TMEM232: variants seen among roughly 807,000 people sequenced by gnomAD.
TMEM232 encodes the protein transmembrane protein 232.
TMEM232 carries 80 observed loss-of-function variants against 78.8 expected under a neutral mutation model. The ratio of observed to expected loss-of-function variants is 1.01; its 90% CI spans 0.85 to 1.22. TMEM232 has a LOEUF of 1.22. Among genes scored for constraint, TMEM232 ranks in the 50% most tolerant of loss-of-function variants. The pLI is 0.00. For synonymous variants in TMEM232, 297 were observed against 254.3 expected, an observed-to-expected ratio of 1.17 and a Z score of -1.60; for missense variants, 881 against 742.2, an observed-to-expected ratio of 1.19 and a Z score of -2.17.
chr5:110,702,834 C>T (rs1795565140), intron 1 of TMEM232, among the ~76,000 whole-genome samples: 1 of 152,006 alleles, frequency 6.6e-6, no homozygotes, highest in South Asian at 2.1e-4. Context: ...TAGTTAACAG[C>T]ACTCATCAGA....
In TMEM232 at chr5:110,696,311, TAA is replaced by T. The variant is rs1794774806; in HGVS notation, c.-12-28949_-12-28948del. ...ATTGATGGGACGTATCTCAAAATAA[TAA>T]GAGCTATCTATGACAAACCCACAGC... is the stretch of plus-strand genomic sequence containing the variant. On this transcript the variant is annotated intron_variant, in intron 1 of 13. Transcript: ENST00000455884. Among the ~76,000 whole-genome samples, 5 of 152,234 alleles carry T rather than the reference TAA, an allele frequency of 3.3e-5. No individual in the cohort carries two copies. The South Asian group carries it at 1.0e-3, about 32-fold the overall frequency.
rs17132266 is a variant in TMEM232, at chr5:110,683,143, T to G, written c.-12-15779A>C. Among the ~76,000 whole-genome samples the G allele has an allele frequency of 5.6e-3, 859 of 152,276 alleles. 34 individuals carry two copies. The East Asian group carries it at 0.11, about 19-fold the overall frequency. ...TATGTGTTTTTTTGTGTAATACCCT[T>G]TTAATTAATTATATAAATGGACTAA... On this transcript the variant is annotated intron_variant, in intron 1 of 13. Transcript: ENST00000455884.
rs114900544 is a variant in TMEM232 at position 110,511,765 on chromosome 5, C to A, written c.1703+16823G>T. On this transcript the variant is annotated intron_variant, in intron 12 of 13. Transcript: ENST00000455884. ...TCTCTGATTATGTCACAACCTCAAA[C>A]ACAAACACATACTCATTACCTTCCA... 4.5e-3 allele frequency among the ~76,000 whole-genome samples: 688 copies of A among 152,294 alleles called. 6 individuals carry two copies. Among genetic ancestry groups the A allele is most frequent in the African/African-American group, 0.016 (652 of 41,552 alleles).
chr5:110,678,284 C>T (rs565934742), intron 1 of TMEM232, among the ~76,000 whole-genome samples: 4 of 152,146 alleles, frequency 2.6e-5, no homozygotes, highest in South Asian at 2.1e-4. Context: ...AGGATGGTCT[C>T]GAACTCCTGA....
intron 4 of TMEM232, among the ~76,000 whole-genome samples, chr5:110,389,355 A>T (rs1348595871): frequency 6.6e-6 from 1 of 152,188 alleles, no homozygotes; most frequent in Non-Finnish European, 1.5e-5. Flanking sequence ...AATTTTTAAG[A>T]AACCTAGGAG....
chr5:110,604,396 G>A (rs1347244640), intron 10 of TMEM232, among the ~76,000 whole-genome samples: 14 of 151,984 alleles, frequency 9.2e-5, no homozygotes, highest in Non-Finnish European at 2.9e-5. Context: ...TAAGATGTCA[G>A]GTGTGAATAT....
intron 12 of TMEM232, among the ~76,000 whole-genome samples, chr5:110,516,187 C>G (rs1281149874): frequency 2.0e-5 from 3 of 151,976 alleles, no homozygotes; most frequent in Non-Finnish European, 2.9e-5. Context: ...TGCAGTGAGC[C>G]GAGATCGCGC....
intron 1 of TMEM232, among the ~76,000 whole-genome samples, chr5:110,719,878 A>T (rs1234834727): frequency 6.6e-6 from 1 of 152,098 alleles, no homozygotes; most frequent in East Asian, 1.9e-4. Context: ...TCAACTAATT[A>T]CTCTATTGTT....
chr5:110,629,273 A>G (rs2149960010), intron 5 of TMEM232, among the ~76,000 whole-genome samples: 1 of 152,240 alleles, frequency 6.6e-6, no homozygotes, highest in East Asian at 1.9e-4. Flanking sequence ...GTAATAGGGG[A>G]CAAAACAGAA....
In TMEM232 at chr5:110,561,427, C is replaced by T. The variant is rs149117317; in HGVS notation, c.1455+7020G>A. On this transcript the variant is annotated intron_variant, in intron 11 of 13. Transcript: ENST00000455884. ...TATATATATATGTATATATAAAATA[C>T]GGTTTTATGAGAATTAAATAATTAA... Among the ~76,000 whole-genome samples the T allele has an allele frequency of 4.9e-3, 746 of 151,648 alleles. 2 individuals are homozygous for T. The highest frequency in any genetic ancestry group is 0.01 in the Middle Eastern group (3 of 294).
chr5:110,663,351 T>A (rs1325715434), intron 2 of TMEM232, among the ~76,000 whole-genome samples: 2 of 151,972 alleles, frequency 1.3e-5, no homozygotes, highest in African/African-American at 2.4e-5. Context: ...TTATAATAAA[T>A]ATTTAATAAT....
At chr5:110,649,117 A>C (rs994381161) in intron 2 of TMEM232, among the ~76,000 whole-genome samples, 2 of 152,146 alleles carry the variant, frequency 1.3e-5, no homozygotes, top group Non-Finnish European at 2.9e-5. Context: ...AAAATTAAAC[A>C]AACTGCAACT....
rs1763877600 is a variant in TMEM232 at position 110,481,647 on chromosome 5, G to A, written c.1703+46941C>T. On this transcript the variant is annotated intron_variant, in intron 12 of 13. Transcript: ENST00000455884. ...AATAGAAAGATATTGGCAGGTTAAA[G>A]CAGCAAATCACAGTTTCAAAATATA... Among the ~76,000 whole-genome samples the A allele has an allele frequency of 2.6e-5, 4 of 152,178 alleles. No individual in the cohort carries two copies. In the South Asian group the frequency reaches 8.3e-4, roughly 31 times the overall value.
rs1450131705 is a variant in TMEM232, at chr5:110,535,498, AC to A, written c.1456-6664del. Among the ~76,000 whole-genome samples, 11 of 152,324 alleles carry A rather than the reference AC, an allele frequency of 7.2e-5. No individual in the cohort carries two copies. In the East Asian group the frequency reaches 1.9e-3, roughly 27 times the overall value. ...ACAAAGCCTGTTTAGTAGTCTCTTCACATGGACGCGCATGAAGTGTATATTT... is the reference window on the plus strand; with the variant it reads ...ACAAAGCCTGTTTAGTAGTCTCTTCAATGGACGCGCATGAAGTGTATATTT... On this transcript the variant is annotated intron_variant, in intron 11 of 13. Coordinates refer to ENST00000455884, the MANE Select transcript of TMEM232 (RefSeq NM_001039763.4).
intron 2 of TMEM232, among the ~76,000 whole-genome samples, chr5:110,660,596 C>T (rs1193836223): frequency 2.6e-5 from 4 of 151,916 alleles, no homozygotes; most frequent in Non-Finnish European, 5.9e-5. Context: ...TTATAAAACA[C>T]GTAAGGTAGA....
At chr5:110,671,322 T>C (rs912374874) in intron 1 of TMEM232, among the ~76,000 whole-genome samples, 12 of 152,280 alleles carry the variant, frequency 7.9e-5, no homozygotes, top group Admixed American at 5.9e-4. Context: ...AGGTCAACCA[T>C]TGTGGAAGAC....
At position 110,655,059 on chromosome 5, in the gene TMEM232, C is replaced by A. The variant is rs1580525338; in HGVS notation, c.125+12169G>T. On this transcript the variant is annotated intron_variant, in intron 2 of 13. Transcript: ENST00000455884. ...AAAAGCCAAAATTGACAAATGGGAT[C>A]TAATTAAACTAAAGAGCTTCTGCAC... Among the ~76,000 whole-genome samples the A allele has an allele frequency of 3.3e-5, 5 of 152,118 alleles. No homozygotes were observed. The South Asian group carries it at 1.0e-3, about 32-fold the overall frequency.
At chr5:110,415,230 C>T (rs553867169), downstream of TMEM232, among the ~76,000 whole-genome samples, 177 of 151,862 alleles carry the variant, frequency 1.2e-3, no homozygotes, top group African/African-American at 4.1e-3. Context: ...CCCTGTCGCC[C>T]AGGCCGGAGT....
chr5:110,402,834 T>C (rs1360367982), intron 2 of TMEM232, among the ~76,000 whole-genome samples: 2 of 152,014 alleles, frequency 1.3e-5, no homozygotes, highest in Non-Finnish European at 2.9e-5. Flanking sequence ...TCACAAAGAC[T>C]ACAAAAAGTG....
Sources: gnomAD v4.1 joint callset for allele counts (sites outside exome capture counted in the v4.1 genomes callset) on GRCh38, gnomAD v4.1.1 for gene constraint, MANE v1.5 for transcripts, NCBI Gene and HGNC (gene_info 2026-07-23, HGNC 2026-07-21) for gene names.